NBPF15: variants seen among roughly 807,000 people sequenced by gnomAD.
The protein encoded by NBPF15 is NBPF family member NBPF15.
A neutral mutation model predicts 62.2 loss-of-function variants in NBPF15; 74 were observed. That is an observed-to-expected ratio of 1.19 (90% confidence interval 0.99 to 1.44). The LOEUF (loss-of-function observed/expected upper bound fraction) is 1.44. Among genes scored for constraint, NBPF15 ranks in the 40% most tolerant of loss-of-function variants. The probability of loss-of-function intolerance (pLI) is 0.00; values close to 1 mark genes in which losing one functional copy is unlikely to be tolerated. For missense variants in NBPF15, 790 were observed against 550.0 expected, an observed-to-expected ratio of 1.44 and a Z score of -4.36; for synonymous variants, 244 against 209.7, an observed-to-expected ratio of 1.16 and a Z score of -1.41.
rs1183629669 is a variant in NBPF15, at chr1:144,424,685, C to T, written c.1663+5G>A. The T allele has an allele frequency of 4.7e-6, 3 of 633,624 alleles. No individual in the cohort carries two copies. Among genetic ancestry groups the T allele is most frequent in the Non-Finnish European group, 8.3e-6 (3 of 359,614 alleles). 39.3% of individuals were successfully genotyped at this position (633,624 alleles called of 1,614,324 possible). ...TCCTTATCACCTTCATAGAAAGGTA[C>T]TCACCTCCCACGTCAAGAGAAAAGC... On this transcript the variant is annotated splice_donor_5th_base_variant and intron_variant, in intron 20 of 21. Coordinates refer to ENST00000581897, the MANE Select transcript of NBPF15 (RefSeq NM_001385408.1).
chr1:144,448,155 G>A (rs1407728171), intron 6 of NBPF15, among the ~76,000 whole-genome samples: 4 of 152,084 alleles, frequency 2.6e-5, no homozygotes, highest in East Asian at 1.9e-4. Flanking sequence ...TGTGGGCACA[G>A]AAGGCAGACC....
chr1:144,439,966 G>A lies in NBPF15; in HGVS notation c.38C>T (p.Ala13Val), dbSNP rs1480400752. The A allele has an allele frequency of 1.1e-5, 18 of 1,610,564 alleles. No homozygotes were observed. The highest frequency in any genetic ancestry group is 1.5e-5 in the Non-Finnish European group (18 of 1,178,554). ...ATTGATTTCTAGAATGTTCATCTCTGCCTTCTCGCTGGACAAAGGGCCGGC... is the reference window on the plus strand; with the variant it reads ...ATTGATTTCTAGAATGTTCATCTCTACCTTCTCGCTGGACAAAGGGCCGGC... ...VSAGPLSSEK[A>V]EMNILEINEK... is the part of the protein sequence containing the mutation. The change falls in exon 8 of 22, where the codon GCA becomes GTA. Residue 13 changes from alanine (A) to valine (V), a missense_variant. Ala to Val is a moderately conservative substitution (Grantham distance 64, BLOSUM62 0). Transcript: ENST00000581897.
At chr1:144,446,524 T>C (rs1333718003) in intron 6 of NBPF15, among the ~76,000 whole-genome samples, 108 of 152,288 alleles carry the variant, frequency 7.1e-4, no homozygotes, top group African/African-American at 2.4e-3. Context: ...CATTCAATCT[T>C]ATGCCATTTA....
In NBPF15 at chr1:144,426,950, G is replaced by A. The variant is rs1320988763; in HGVS notation, c.1265+97C>T. 1.7e-4 allele frequency: 108 copies of A among 623,476 alleles called. 2 individuals carry two copies. The highest frequency in any genetic ancestry group is 5.5e-4 in the East Asian group (20 of 36,144). The allele number at this position is 623,476 out of a possible 1,614,324, so 38.6% of individuals were successfully genotyped here. ...TGTCAGGAGGAGTAATTCAACCTTC[G>A]TTGAAAACATGAAATTGAACACACT... On this transcript the variant is annotated intron_variant, in intron 17 of 21. Transcript: ENST00000581897.
chr1:144,457,897 C>A (rs1201136906), intron 3 of NBPF15, among the ~76,000 whole-genome samples: 1 of 151,890 alleles, frequency 6.6e-6, no homozygotes, highest in Non-Finnish European at 1.5e-5. Context: ...TGAAACCAGT[C>A]TGAGCACTAC....
intron 3 of NBPF15, among the ~76,000 whole-genome samples, chr1:144,457,281 G>T (rs1431073198): frequency 6.6e-6 from 1 of 152,016 alleles, no homozygotes; most frequent in African/African-American, 2.4e-5. Flanking sequence ...TGAGTGTGTG[G>T]GTGTAGTTAA....
intron 1 of NBPF15, 30 bp downstream of exon 1, chr1:144,461,351 C>T (rs587602273): frequency 6.6e-6 from 1 of 151,754 alleles, no homozygotes; most frequent in South Asian, 2.1e-4. Flanking sequence ...CAGCTCGACC[C>T]AGCTGTGTAC....
rs1271258255 is a variant in NBPF15 at position 144,422,903 on chromosome 1, G to A, written c.*110C>T. ...GAATAGGAATAGAGCCATGCTCACTGACCCATCCTATGTCTGGGCTTCCAA... is the reference window on the plus strand; with the variant it reads ...GAATAGGAATAGAGCCATGCTCACTAACCCATCCTATGTCTGGGCTTCCAA... On this transcript the variant is annotated 3_prime_UTR_variant, in exon 22 of 22. Coordinates refer to ENST00000581897, the MANE Select transcript of NBPF15 (RefSeq NM_001385408.1). The A allele has an allele frequency of 1.9e-6, 3 of 1,608,488 alleles. No homozygotes were observed. Among genetic ancestry groups the A allele is most frequent in the Non-Finnish European group, 2.5e-6 (3 of 1,178,134 alleles).
chr1:144,432,773 G>T (rs1571122252), intron 13 of NBPF15, among the ~76,000 whole-genome samples: 1 of 151,816 alleles, frequency 6.6e-6, no homozygotes, highest in Non-Finnish European at 1.5e-5. Flanking sequence ...AAATATATAT[G>T]CACCCTATAC....
At chr1:144,458,314 A>G (rs1428763504) in intron 3 of NBPF15, among the ~76,000 whole-genome samples, 1 of 151,964 alleles carries the variant, frequency 6.6e-6, no homozygotes, top group African/African-American at 2.4e-5. Flanking sequence ...ATAAAGAGTC[A>G]AGACTGTAGC....
intron 6 of NBPF15, among the ~76,000 whole-genome samples, chr1:144,447,550 G>A (rs1331776234): frequency 6.6e-6 from 1 of 151,800 alleles, no homozygotes; most frequent in African/African-American, 2.4e-5. Context: ...TTCTAGAAGG[G>A]ACAAGCCCCA....
At chr1:144,424,059 G>T (rs1667750066) in intron 20 of NBPF15, 84 bp from the exon 21 acceptor site, 1 of 758,222 alleles carries the variant, frequency 1.3e-6, no homozygotes, top group South Asian at 1.4e-5. Context: ...CTCACACAGG[G>T]ACCTCAGGCT....
rs1166288801 is a variant in NBPF15 at position 144,440,376 on chromosome 1, C to G, written c.-190-81G>C. 9 of 790,280 alleles carry G rather than the reference C, an allele frequency of 1.1e-5. 1 individual carries two copies. The highest frequency in any genetic ancestry group is 3.8e-4 in the Middle Eastern group (1 of 2,648). 49.0% of individuals were successfully genotyped at this position (790,280 alleles called of 1,614,324 possible). ...CTGCATTCCAATTGCCCAGGCTTTGCTGAAACACAGGCACCCTAGTCTCAC... is the reference window on the plus strand; with the variant it reads ...CTGCATTCCAATTGCCCAGGCTTTGGTGAAACACAGGCACCCTAGTCTCAC... On this transcript the variant is annotated intron_variant, in intron 6 of 21. Transcript: ENST00000581897.
intron 4 of NBPF15, 133 bp from the exon 5 acceptor site, chr1:144,451,003 C>T (rs1455274721): frequency 6.6e-6 from 1 of 152,138 alleles, no homozygotes; most frequent in African/African-American, 2.4e-5. Context: ...GAAAAATGGG[C>T]CCAGGGGACC....
Position 144,423,060 on chromosome 1 carries a change from T to C in NBPF15, c.1966A>G (p.Thr656Ala). ...ATCTGGAACACCAGGTGGAGACTTGTCACCGTCAAAGTAAAAAACCTATTG... is the reference window on the plus strand; with the variant it reads ...ATCTGGAACACCAGGTGGAGACTTGCCACCGTCAAAGTAAAAAACCTATTG... ...VDNRFFTLTV[T>A]SLHLVFQMGV... is the part of the protein sequence containing the mutation. The change falls in exon 22 of 22, where the codon ACA becomes GCA. Residue 656 changes from threonine to alanine, a missense_variant. By Grantham distance (58) the Thr-to-Ala change is moderately conservative. Transcript: ENST00000581897. 3 of 1,611,660 alleles carry C rather than the reference T, an allele frequency of 1.9e-6. No individual in the cohort carries two copies. The South Asian group carries it at 3.3e-5, about 18-fold the overall frequency.
At chr1:144,456,454 TG>T in intron 4 of NBPF15, 82 bp downstream of exon 4, 19 of 946,328 alleles carry the variant, frequency 2.0e-5, no homozygotes, top group Non-Finnish European at 2.4e-5. Context: ...TTAGGGCCCT[TG>T]GCATCTTCCC....
At chr1:144,451,580 G>A (rs1319117406) in intron 4 of NBPF15, among the ~76,000 whole-genome samples, 1 of 151,964 alleles carries the variant, frequency 6.6e-6, no homozygotes, top group East Asian at 1.9e-4. Flanking sequence ...CCGCAGTGTA[G>A]TGTGTCTCTG....
chr1:144,451,765 G>T (rs1362686164), intron 4 of NBPF15, among the ~76,000 whole-genome samples: 8 of 151,306 alleles, frequency 5.3e-5, no homozygotes, highest in African/African-American at 1.5e-4. Context: ...GCGTCTCAAG[G>T]CAAAAGAATT....
chr1:144,455,064 GA>G (rs1249098625), intron 4 of NBPF15, among the ~76,000 whole-genome samples: 1 of 146,160 alleles, frequency 6.8e-6, no homozygotes, highest in Non-Finnish European at 1.5e-5. Context: ...AGGAAGAAAG[GA>G]AAGAATGGAG....
Sources: allele counts gnomAD v4.1 joint callset (sites outside exome capture counted in the v4.1 genomes callset), GRCh38; gene constraint gnomAD v4.1.1; transcripts MANE v1.5; gene names NCBI Gene and HGNC (gene_info 2026-07-23, HGNC 2026-07-21).